SLC29A3: variants seen among roughly 807,000 people sequenced by gnomAD.
SLC29A3 encodes solute carrier family 29 member 3, also known as equilibrative nucleoside transporter 3.
In SLC29A3, 18 loss-of-function variants were observed where a neutral mutation model predicts 25.4. The observed-to-expected ratio is 0.71, with a 90% CI of 0.49 to 1.05. The LOEUF is 1.05. Ranked by LOEUF, SLC29A3 falls within the 50% of genes least tolerant of loss-of-function variation. The pLI, the probability that SLC29A3 is intolerant of heterozygous loss-of-function variation, is 0.00. For synonymous variants in SLC29A3, 258 were observed against 267.1 expected, an observed-to-expected ratio of 0.97 and a Z score of 0.33; for missense variants, 586 against 609.0, an observed-to-expected ratio of 0.96 and a Z score of 0.40.
exon 4 of SLC29A3, chr10:71,375,794 C>G (rs1323198672): frequency 6.6e-6 from 1 of 152,180 alleles, no homozygotes; most frequent in African/African-American, 2.4e-5. Context: ...GAAAGCCAAA[C>G]AGATACTCAT....
rs1847067185 is a variant in SLC29A3 at position 71,362,001 on chromosome 10, A to G, written c.821A>G (p.Glu274Gly). 1.9e-6 allele frequency: 3 copies of G among 1,614,096 alleles called. No individual in the cohort carries two copies. Among genetic ancestry groups the G allele is most frequent in the Non-Finnish European group, 2.5e-6 (3 of 1,180,010 alleles). Residue 274 changes from glutamate (E) to glycine (G), a missense_variant, in exon 6 of 6, where the codon GAG becomes GGG. Physicochemically the swap from Glu to Gly is moderately conservative, Grantham distance 98. Coordinates refer to ENST00000373189, the MANE Select transcript of SLC29A3 (RefSeq NM_018344.6). ...GCGGCCCATGTGTTTTCTGGTGAAGAGGAGCTTCCCCAGGACTCCCTCAGT... is the reference window on the plus strand; with the variant it reads ...GCGGCCCATGTGTTTTCTGGTGAAGGGGAGCTTCCCCAGGACTCCCTCAGT... The part of the protein sequence containing the change: ...VLAAHVFSGE[E>G]ELPQDSLSAP...
At chr10:71,323,710 A>G (rs10999773) in intron 2 of SLC29A3, among the ~76,000 whole-genome samples, 72,021 of 152,124 alleles carry the variant, frequency 0.47, 17,991 homozygotes, top group African/African-American at 0.65. Flanking sequence ...ATGGAAGACA[A>G]GGAAAATGAA....
chr10:71,352,663 A>T (rs1397292934), intron 4 of SLC29A3: 1 of 152,380 alleles, frequency 6.6e-6, no homozygotes, highest in Non-Finnish European at 1.5e-5. Flanking sequence ...AGCACCCCCA[A>T]GCTTTGGTAT....
At chr10:71,375,269 GA>G (rs1190858296) in intron 3 of SLC29A3, among the ~76,000 whole-genome samples, 8 of 152,216 alleles carry the variant, frequency 5.3e-5, no homozygotes, top group Admixed American at 5.2e-4. Context: ...TCCACATGTG[GA>G]AAGAGTGAAG....
rs143225596 is a variant in SLC29A3 at position 71,329,929 on chromosome 10, C to T, written c.300+6875C>T. On this transcript the variant is annotated intron_variant, in intron 2 of 5. Coordinates refer to ENST00000373189, the MANE Select transcript of SLC29A3 (RefSeq NM_018344.6). Reference sequence around the variant, plus strand: ...CTGGCAGTGAAGGGGACAGTTTCCCCCTTGGAGAATTAGGGCCACATCCTG... The same window carrying T: ...CTGGCAGTGAAGGGGACAGTTTCCCTCTTGGAGAATTAGGGCCACATCCTG... Among the ~76,000 whole-genome samples, 667 of 152,294 alleles carry T rather than the reference C, an allele frequency of 4.4e-3. 19 individuals are homozygous for T. The highest frequency in any genetic ancestry group is 5.6e-3 in the East Asian group (29 of 5,188).
chr10:71,328,743 C>T (rs1182994649), intron 2 of SLC29A3, among the ~76,000 whole-genome samples: 2 of 152,326 alleles, frequency 1.3e-5, no homozygotes, highest in African/African-American at 4.8e-5. Context: ...CAGTGGCTAC[C>T]AGTAAAGGAG....
chr10:71,347,119 G>A (rs958026270), intron 3 of SLC29A3, among the ~76,000 whole-genome samples: 1 of 152,152 alleles, frequency 6.6e-6, no homozygotes, highest in African/African-American at 2.4e-5. Flanking sequence ...GGGCTAAGCT[G>A]TTTTTTATTT....
intron 2 of SLC29A3, among the ~76,000 whole-genome samples, chr10:71,343,973 T>C (rs1320973441): frequency 6.6e-6 from 1 of 152,176 alleles, no homozygotes; most frequent in Non-Finnish European, 1.5e-5. Flanking sequence ...ATCCTTCCTA[T>C]GCCTCTAGCA....
At chr10:71,320,530 T>C (rs1159086119) in intron 1 of SLC29A3, among the ~76,000 whole-genome samples, 1 of 152,178 alleles carries the variant, frequency 6.6e-6, no homozygotes, top group Non-Finnish European at 1.5e-5. Flanking sequence ...TCACATGGCT[T>C]TTCCTCTATG....
intron 3 of SLC29A3, among the ~76,000 whole-genome samples, chr10:71,372,670 C>G (rs955547124): frequency 6.6e-6 from 1 of 152,158 alleles, no homozygotes; most frequent in Non-Finnish European, 1.5e-5. Flanking sequence ...TGCTGCTGTT[C>G]CAGTTGAGGC....
chr10:71,320,721 C>T (rs1845829453), intron 1 of SLC29A3, among the ~76,000 whole-genome samples: 1 of 152,218 alleles, frequency 6.6e-6, no homozygotes, highest in East Asian at 1.9e-4. Flanking sequence ...CACCTGCTGG[C>T]TCCAGGGTAC....
At chr10:71,377,900 C>T (rs969415536) in intron 4 of SLC29A3, among the ~76,000 whole-genome samples, 3 of 151,528 alleles carry the variant, frequency 2.0e-5, no homozygotes, top group African/African-American at 7.3e-5. Context: ...GATTAAGCAT[C>T]TTGGCCAAAC....
chr10:71,320,752 A>C (rs990178571), intron 1 of SLC29A3, among the ~76,000 whole-genome samples: 4 of 152,166 alleles, frequency 2.6e-5, no homozygotes, highest in Middle Eastern at 6.8e-3. Flanking sequence ...AGCAGGGGAG[A>C]ATGTCCTGGT....
intron 3 of SLC29A3, among the ~76,000 whole-genome samples, chr10:71,349,675 C>T (rs78762978): frequency 2.7e-3 from 406 of 152,202 alleles, no homozygotes; most frequent in African/African-American, 8.5e-3. Context: ...CCCCACACCC[C>T]GCCCTCCTCC....
intron 5 of SLC29A3, among the ~76,000 whole-genome samples, chr10:71,358,697 A>T (rs907464439): frequency 2.6e-5 from 4 of 152,192 alleles, no homozygotes; most frequent in Non-Finnish European, 4.4e-5. Flanking sequence ...GTCTGTTTCC[A>T]GCAGGGTAGC....
chr10:71,319,501 G>T, intron 1 of SLC29A3, 191 bp downstream of exon 1: 1 of 427,538 alleles, frequency 2.3e-6, no homozygotes, highest in Non-Finnish European at 4.1e-6. Context: ...CCCTCTTTCT[G>T]GGTCTCTATC....
At chr10:71,380,101 G>A (rs1847291293) in exon 5 of SLC29A3, 1 of 152,254 alleles carries the variant, frequency 6.6e-6, no homozygotes, top group Non-Finnish European at 1.5e-5. Context: ...CATGTTTGGA[G>A]GCCCAAGGTC....
chr10:71,322,421 T>G (rs1022457227), intron 1 of SLC29A3, among the ~76,000 whole-genome samples: 1 of 152,240 alleles, frequency 6.6e-6, no homozygotes, highest in African/African-American at 2.4e-5. Context: ...GGTTTGCCTT[T>G]CTGGGTACAT....
At chr10:71,354,085 G>A (rs980986622) in intron 4 of SLC29A3, among the ~76,000 whole-genome samples, 2 of 152,208 alleles carry the variant, frequency 1.3e-5, no homozygotes, top group Non-Finnish European at 2.9e-5. Flanking sequence ...GGGTTTACCC[G>A]TTGTTGCTGC....
Sources: gnomAD v4.1 joint callset for allele counts (sites outside exome capture counted in the v4.1 genomes callset) on GRCh38, gnomAD v4.1.1 for gene constraint, MANE v1.5 for transcripts, NCBI Gene and HGNC (gene_info 2026-07-23, HGNC 2026-07-21) for gene names.